The following TGFBI variants were observed in gnomAD, a reference collection of about 807,000 sequenced individuals.
The protein encoded by TGFBI is transforming growth factor-beta-induced protein ig-h3.
In TGFBI, 50 loss-of-function variants were observed where a neutral mutation model predicts 73.7. The observed-to-expected ratio is 0.68, with a 90% CI of 0.54 to 0.86. The LOEUF is 0.86. Among genes scored for constraint, TGFBI ranks in the 40% least tolerant of loss-of-function variants. TGFBI has a pLI of 0.00. For synonymous variants in TGFBI, 362 were observed against 360.5 expected (o/e 1.00, Z -0.05); for missense variants, 839 against 877.0 (o/e 0.96, Z 0.55).
At chr5:136,057,558 C>T (rs1751670432) in intron 12 of TGFBI, among the ~76,000 whole-genome samples, 1 of 151,962 alleles carries the variant, frequency 6.6e-6, no homozygotes, top group African/African-American at 2.4e-5. Flanking sequence ...CAGTAATAGC[C>T]ATGACGATGG....
At chr5:136,056,618 G>C in intron 11 of TGFBI, 47 bp from the exon 12 acceptor site, 2 of 1,612,258 alleles carry the variant, frequency 1.2e-6, no homozygotes, top group Non-Finnish European at 1.7e-6. Context: ...AGGTATTTAA[G>C]GAAAATACCT....
chr5:136,058,088 C>A (rs1751682991), intron 12 of TGFBI, among the ~76,000 whole-genome samples: 1 of 152,146 alleles, frequency 6.6e-6, no homozygotes, highest in Non-Finnish European at 1.5e-5. Context: ...GAAAGGACAT[C>A]CCATGCACCC....
chr5:136,061,633 T>C lies in TGFBI; in HGVS notation c.1986+54T>C, dbSNP rs773765294. ...CCTGAGCAGCCTCAGGTCCTCTGTT[T>C]GGGCCATAGAGGAGCCTCTCCAGCC... On this transcript the variant is annotated intron_variant, in intron 15 of 16. Coordinates refer to ENST00000442011, the MANE Select transcript of TGFBI (RefSeq NM_000358.3). The C allele has an allele frequency of 3.4e-6, 5 of 1,491,188 alleles. No homozygotes were observed. In the Admixed American group the frequency reaches 8.4e-5, roughly 25 times the overall value. 92.4% of individuals were successfully genotyped at this position (1,491,188 alleles called of 1,614,324 possible).
In TGFBI at chr5:136,061,534, A is replaced by C. The variant is rs759237930; in HGVS notation, c.1941A>C (p.Ala647=). The change falls in exon 15 of 17, where the codon GCA becomes GCC. Residue 647 remains alanine, a synonymous_variant. Transcript: ENST00000442011. ...NRPQERGDEL[A]DSALEIFKQA... is the part of the protein sequence containing the mutation. The stretch of plus-strand genomic sequence containing the variant: ...CTCAGGAAAGAGGGGATGAACTTGC[A>C]GACTCTGCGCTTGAGATCTTCAAAC... 6 of 1,611,734 alleles carry C rather than the reference A, an allele frequency of 3.7e-6. No individual in the cohort carries two copies. The highest frequency in any genetic ancestry group is 5.1e-6 in the Non-Finnish European group (6 of 1,179,030).
rs759542534 is a variant in TGFBI at position 136,059,127 on chromosome 5, C to T, written c.1716C>T (p.His572=). The T allele has an allele frequency of 6.2e-7, 1 of 1,611,746 alleles. No individual in the cohort carries two copies. Among genetic ancestry groups the T allele is most frequent in the Non-Finnish European group, 8.5e-7 (1 of 1,179,084 alleles). The change falls in exon 13 of 17, where the codon CAC becomes CAT. Residue 572 remains histidine, a synonymous_variant. Coordinates refer to ENST00000442011, the MANE Select transcript of TGFBI (RefSeq NM_000358.3). ...AACTTGCCAACATCCTGAAATACCA[C>T]ATTGGTGATGAAATCCTGGTTAGCG... ...AKELANILKY[H]IGDEILVSGG... is the part of the protein sequence containing the mutation.
At chr5:136,049,262 C>T in intron 6 of TGFBI, 177 bp from the exon 7 acceptor site, 1 of 757,894 alleles carries the variant, frequency 1.3e-6, no homozygotes. Flanking sequence ...AGCTCAGGCC[C>T]AGCAAGGCCC....
intron 1 of TGFBI, among the ~76,000 whole-genome samples, chr5:136,032,069 G>A (rs535327286): frequency 2.8e-4 from 43 of 152,290 alleles, no homozygotes; most frequent in African/African-American, 9.4e-4. Context: ...AAATAGGACC[G>A]GGGGCTGGAG....
chr5:136,050,697 C>T (rs549930996), intron 7 of TGFBI, among the ~76,000 whole-genome samples: 4 of 152,164 alleles, frequency 2.6e-5, no homozygotes, highest in Admixed American at 6.5e-5. Flanking sequence ...TTAAACCCAC[C>T]GTGTCAATGT....
At chr5:136,046,792 A>C (rs921805811) in intron 4 of TGFBI, 59 bp from the exon 5 acceptor site, 16 of 1,556,524 alleles carry the variant, frequency 1.0e-5, no homozygotes, top group Non-Finnish European at 1.3e-5. Flanking sequence ...AGTTGCAAGG[A>C]CCCATCTCTT....
Position 136,056,651 on chromosome 5 carries a change from G to C in TGFBI, c.1548-14G>C. 6.2e-7 allele frequency: 1 copy of C among 1,613,878 alleles called. No individual in the cohort carries two copies. Among genetic ancestry groups the C allele is most frequent in the Non-Finnish European group, 8.5e-7 (1 of 1,179,854 alleles). On this transcript the variant is annotated splice_polypyrimidine_tract_variant and intron_variant, in intron 11 of 16. Coordinates refer to ENST00000442011, the MANE Select transcript of TGFBI (RefSeq NM_000358.3). ...CCTGTTGACAGGTGACATTTTCTGT[G>C]TGTGTATCTACAGCATGCTGGTAGC... is the stretch of plus-strand genomic sequence containing the variant.
At chr5:136,056,445 A>G in intron 11 of TGFBI, 1 of 558,526 alleles carries the variant, frequency 1.8e-6, no homozygotes, top group Non-Finnish European at 3.2e-6. Flanking sequence ...TGGCCATTTA[A>G]CAGAGCTTAG....
intron 7 of TGFBI, chr5:136,049,818 A>C: frequency 2.1e-6 from 1 of 474,172 alleles, no homozygotes; most frequent in South Asian, 3.1e-5. Context: ...AGCTGGACTG[A>C]AGAGAGGCAT....
Position 136,058,980 on chromosome 5 carries a change from A to T in TGFBI, c.1679-110A>T, listed in dbSNP as rs1653192873. On this transcript the variant is annotated intron_variant, in intron 12 of 16. Transcript: ENST00000442011. ...ATAAGTGCTTATTCCCTGGGCAGGG[A>T]GTTCTTCATTTCAGGGGTGACCACT... is the stretch of plus-strand genomic sequence containing the variant. 4.4e-6 allele frequency: 6 copies of T among 1,362,048 alleles called. No individual in the cohort carries two copies. In the Admixed American group the frequency reaches 1.1e-4, roughly 26 times the overall value. 84.4% of individuals were successfully genotyped at this position (1,362,048 alleles called of 1,614,324 possible). A position where few individuals can be genotyped will look rare whatever the true frequency, so the allele number is the denominator to read the frequency against.
At chr5:136,052,859 T>G in intron 7 of TGFBI, 48 bp from the exon 8 acceptor site, 1 of 1,578,966 alleles carries the variant, frequency 6.3e-7, no homozygotes, top group Non-Finnish European at 8.7e-7. Context: ...GTCCCTGAGG[T>G]TATCGTGGAG....
chr5:136,034,556 G>T (rs930884263), intron 2 of TGFBI, among the ~76,000 whole-genome samples: 3 of 151,622 alleles, frequency 2.0e-5, no homozygotes, highest in African/African-American at 7.3e-5. Flanking sequence ...TATCACCCTA[G>T]ATTTGCAAAT....
chr5:136,035,416 GAC>G (rs1198596839), intron 2 of TGFBI, among the ~76,000 whole-genome samples: 1 of 152,150 alleles, frequency 6.6e-6, no homozygotes, highest in Non-Finnish European at 1.5e-5. Flanking sequence ...AAGGTCAGGA[GAC>G]AGAGACCATC....
At chr5:136,032,850 G>GTA (rs45586834) in intron 1 of TGFBI, among the ~76,000 whole-genome samples, 5,582 of 151,814 alleles carry the variant, frequency 0.037, 270 homozygotes, top group African/African-American at 0.11. Flanking sequence ...TCAGGACTTG[G>GTA]TATACTTGAA....
At chr5:136,053,808 G>A in intron 8 of TGFBI, 135 bp from the exon 9 acceptor site, 1 of 1,293,532 alleles carries the variant, frequency 7.7e-7, no homozygotes, top group Non-Finnish European at 1.1e-6. Context: ...AGCCCGCTGG[G>A]CCCCAGCAGT....
Position 136,054,829 on chromosome 5 carries a change from G to A in TGFBI, c.1378G>A (p.Gly460Ser), listed in dbSNP as rs778554252. 3.3e-5 allele frequency: 54 copies of A among 1,613,542 alleles called. No individual in the cohort carries two copies. Among genetic ancestry groups the A allele is most frequent in the South Asian group, 1.2e-4 (11 of 91,052 alleles). Residue 460 changes from glycine (G) to serine (S), a missense_variant, in exon 10 of 17, where the codon GGC (glycine) becomes AGC (serine). Transcript: ENST00000442011. Reference sequence around the variant, plus strand: ...TGGACAGACCCTGGAAACTCTGGGCGGCAAAAAACTGAGAGTTTTTGTTTA... The same window carrying A: ...TGGACAGACCCTGGAAACTCTGGGCAGCAAAAAACTGAGAGTTTTTGTTTA... ...YHGQTLETLGGKKLRVFVYRN... is the reference protein window; with the variant it reads ...YHGQTLETLGSKKLRVFVYRN...
Sources: gnomAD v4.1 joint callset for allele counts (sites outside exome capture counted in the v4.1 genomes callset) on GRCh38, gnomAD v4.1.1 for gene constraint, MANE v1.5 for transcripts, NCBI Gene and HGNC (gene_info 2026-07-23, HGNC 2026-07-21) for gene names.